MGAM2: variants seen among roughly 807,000 people sequenced by gnomAD.
MGAM2 encodes probable maltase-glucoamylase 2.
In MGAM2, 98 loss-of-function variants were observed where a neutral mutation model predicts 96.1. The observed-to-expected ratio is 1.02, with a 90% CI of 0.87 to 1.21. The LOEUF (loss-of-function observed/expected upper bound fraction) is 1.21, where lower values mean the gene tolerates loss of function less well. MGAM2 is among the 50% of genes most tolerant of loss of function. The probability of loss-of-function intolerance (pLI) is 0.00; values close to 1 mark genes in which losing one functional copy is unlikely to be tolerated. For missense variants in MGAM2, 2,055 were observed against 1,182.4 expected (o/e 1.74, Z -10.82); for synonymous variants, 749 against 414.8 (o/e 1.81, Z -9.79).
chr7:142,151,997 T>C (rs1795593331), intron 15 of MGAM2, among the ~76,000 whole-genome samples: 1 of 152,208 alleles, frequency 6.6e-6, no homozygotes, highest in African/African-American at 2.4e-5. Context: ...CTGGGGACAG[T>C]GGGCCAACCA....
At chr7:142,116,813 A>G in intron 1 of MGAM2, 61 bp from the exon 2 acceptor site, 2 of 699,936 alleles carry the variant, frequency 2.9e-6, no homozygotes, top group Non-Finnish European at 5.2e-6. Flanking sequence ...ATGATTATGT[A>G]TCCTCTTAGA....
At chr7:142,211,575 C>G (rs571890980) in intron 46 of MGAM2, among the ~76,000 whole-genome samples, 2 of 151,870 alleles carry the variant, frequency 1.3e-5, no homozygotes, top group Admixed American at 1.3e-4. Flanking sequence ...ATAGATCAAG[C>G]AAAAGAAAGG....
rs1296993764 is a variant in MGAM2 at position 142,147,828 on chromosome 7, T to G, written c.1634+255T>G. Among the ~76,000 whole-genome samples the G allele has an allele frequency of 2.0e-5, 3 of 152,182 alleles. No homozygotes were observed. In the East Asian group the frequency reaches 5.8e-4, roughly 29 times the overall value. ...AGCAGGCAATACTATGTAAGGCATT[T>G]AGAGTCCTCAGCTAGAAGTCAGCTC... is the stretch of plus-strand genomic sequence containing the variant. On this transcript the variant is annotated intron_variant, in intron 15 of 47. Transcript: ENST00000477922.
chr7:142,155,488 A>G (rs568933684), intron 17 of MGAM2, among the ~76,000 whole-genome samples: 2 of 152,292 alleles, frequency 1.3e-5, no homozygotes, highest in South Asian at 2.1e-4. Context: ...AATATTTCCA[A>G]TTGAGTGGTT....
At chr7:142,166,047 T>C (rs1796017924) in intron 24 of MGAM2, 51 bp from the exon 25 acceptor site, 1 of 621,486 alleles carries the variant, frequency 1.6e-6, no homozygotes, top group Non-Finnish European at 2.9e-6. Context: ...GAACTCTTTC[T>C]GGGTGGCTTT....
Position 142,221,513 on chromosome 7 carries a change from C to T in MGAM2, c.7002C>T (p.Thr2334=). Residue 2334 remains threonine (T), a synonymous_variant, in exon 48 of 48, where the codon ACC becomes ACT. Transcript: ENST00000477922. ...CTGATAAAATTACTAATTTTACTAC[C>T]CCTACAAATGCAAACACCATTATTT... ...FTTDKITNFT[T]PTNANTIIFN... 1 of 544,830 alleles carries T rather than the reference C, an allele frequency of 1.8e-6. No individual in the cohort carries two copies. The highest frequency in any genetic ancestry group is 3.0e-5 in the South Asian group (1 of 33,554). The allele number at this position is 544,830 out of a possible 1,614,324, so 33.7% of individuals were successfully genotyped here.
chr7:142,116,791 C>T, intron 1 of MGAM2, 83 bp from the exon 2 acceptor site: 1 of 687,318 alleles, frequency 1.5e-6, no homozygotes, highest in Middle Eastern at 2.6e-4. Context: ...AACAATTCCA[C>T]ATTTGGATAC....
intron 10 of MGAM2, among the ~76,000 whole-genome samples, chr7:142,138,971 A>C (rs934824891): frequency 6.6e-6 from 1 of 152,194 alleles, no homozygotes; most frequent in Middle Eastern, 3.2e-3. Context: ...TGTAAGACTT[A>C]CTTTGGTGGG....
At position 142,206,186 on chromosome 7, in the gene MGAM2, G is replaced by C. The variant is rs186144623; in HGVS notation, c.5138-2387G>C. On this transcript the variant is annotated intron_variant, in intron 45 of 47. Coordinates refer to ENST00000477922, the MANE Select transcript of MGAM2 (RefSeq NM_001293626.2). ...TCAGCACTGCACTGTCTTGATTACA[G>C]TGGATTTGTAGTAAGTTTTAAAATC... 3.0e-4 allele frequency among the ~76,000 whole-genome samples: 45 copies of C among 152,246 alleles called. 1 individual carries two copies. The East Asian group carries it at 8.5e-3, about 29-fold the overall frequency.
intron 25 of MGAM2, 71 bp downstream of exon 25, chr7:142,166,324 G>A (rs1023003906): frequency 1.5e-5 from 9 of 607,380 alleles, no homozygotes; most frequent in African/African-American, 1.5e-4. Context: ...CTTTTCAAAT[G>A]TCTGTGGCTT....
rs148959873 is a variant in MGAM2, at chr7:142,218,331, T to C, written c.5188-30T>C. The C allele has an allele frequency of 4.5e-4, 290 of 649,362 alleles. 2 individuals are homozygous for C. In the African/African-American group the frequency reaches 4.6e-3, roughly 10 times the overall value. The allele number at this position is 649,362 out of a possible 1,614,324, so 40.2% of individuals were successfully genotyped here. A position where few individuals can be genotyped will look rare whatever the true frequency, so the allele number is the denominator to read the frequency against. ...CATAGTCTATCAACAATATGTTATG[T>C]ATTCTTTTCTCTTTATAAATTCTTT... On this transcript the variant is annotated intron_variant, in intron 46 of 47. Coordinates refer to ENST00000477922, the MANE Select transcript of MGAM2 (RefSeq NM_001293626.2).
At chr7:142,114,748 A>G (rs1412432033) in intron 1 of MGAM2, among the ~76,000 whole-genome samples, 2 of 152,176 alleles carry the variant, frequency 1.3e-5, no homozygotes, top group Non-Finnish European at 2.9e-5. Flanking sequence ...TAGAGGGGGA[A>G]AAATAAGAAT....
At position 142,222,172 on chromosome 7, in the gene MGAM2, G is replaced by T. The variant is rs951670678; in HGVS notation, c.*113G>T. ...TATCTTATGCTACTTAAGTTTTCAC[G>T]GATATTAGTACTCTAGCCATAAAAG... On this transcript the variant is annotated 3_prime_UTR_variant, in exon 48 of 48. Transcript: ENST00000477922. 1 of 395,818 alleles carries T rather than the reference G, an allele frequency of 2.5e-6. No homozygotes were observed. Among genetic ancestry groups the T allele is most frequent in the Non-Finnish European group, 4.5e-6 (1 of 224,632 alleles). The allele number at this position is 395,818 out of a possible 1,614,324, so 24.5% of individuals were successfully genotyped here.
chr7:142,220,864 T>A lies in MGAM2; in HGVS notation c.6353T>A (p.Val2118Glu). 2 of 702,140 alleles carry A rather than the reference T, an allele frequency of 2.8e-6. No individual in the cohort carries two copies. Among genetic ancestry groups the A allele is most frequent in the Non-Finnish European group, 5.2e-6 (2 of 384,752 alleles). 43.5% of individuals were successfully genotyped at this position (702,140 alleles called of 1,614,324 possible). Residue 2118 changes from valine (V) to glutamate (E), a missense_variant, in exon 48 of 48, where the codon GTA (valine) becomes GAA (glutamate). Val to Glu is a moderately radical substitution (Grantham distance 121, BLOSUM62 -2). Transcript: ENST00000477922. ...GCTGATGCCACCATTAGTACTACTG[T>A]ACTTATTGCCACTACTTCTTCTCTA... ...STADATISTTVLIATTSSLTG... is the reference protein window; with the variant it reads ...STADATISTTELIATTSSLTG...
chr7:142,213,538 T>G (rs184543923), intron 46 of MGAM2, among the ~76,000 whole-genome samples: 8 of 151,958 alleles, frequency 5.3e-5, no homozygotes, highest in African/African-American at 1.9e-4. Flanking sequence ...GAGAATACTA[T>G]AAACACCTCT....
intron 43 of MGAM2, 105 bp downstream of exon 43, chr7:142,198,300 G>C: frequency 9.4e-6 from 6 of 637,670 alleles, no homozygotes; most frequent in Non-Finnish European, 1.4e-5. Context: ...CAATAATTTT[G>C]ACCTTTTTAG....
At position 142,131,083 on chromosome 7, in the gene MGAM2, C is replaced by G. The variant is rs2129077100; in HGVS notation, c.310+12C>G. The G allele has an allele frequency of 2.9e-6, 2 of 701,120 alleles. No individual in the cohort carries two copies. The highest frequency in any genetic ancestry group is 3.5e-5 in the African/African-American group (2 of 57,326). 43.4% of individuals were successfully genotyped at this position (701,120 alleles called of 1,614,324 possible). On this transcript the variant is annotated intron_variant, in intron 4 of 47. Transcript: ENST00000477922. ...AAATACAAGCACAGGTGAGCACTGCCCTGATGTTGCGCCTGGGAACAACTC... is the reference window on the plus strand; with the variant it reads ...AAATACAAGCACAGGTGAGCACTGCGCTGATGTTGCGCCTGGGAACAACTC...
intron 8 of MGAM2, 52 bp from the exon 9 acceptor site, chr7:142,137,381 G>A: frequency 1.5e-6 from 1 of 648,208 alleles, no homozygotes; most frequent in East Asian, 2.8e-5. Flanking sequence ...CTGCAGAGAA[G>A]AGTTTACTTC....
rs564025524 is a variant in MGAM2 at position 142,152,139 on chromosome 7, G to A, written c.1635-1879G>A. Among the ~76,000 whole-genome samples, 21 of 149,620 alleles carry A rather than the reference G, an allele frequency of 1.4e-4. 1 individual carries two copies. In the South Asian group the frequency reaches 2.3e-3, roughly 17 times the overall value. On this transcript the variant is annotated intron_variant, in intron 15 of 47. Transcript: ENST00000477922. ...AAAACTAAAAGACAGAAAATACAAA[G>A]CCTCTGAGTAAGACTGTTCCTTTAA...
Sources: allele counts gnomAD v4.1 joint callset (sites outside exome capture counted in the v4.1 genomes callset), GRCh38; gene constraint gnomAD v4.1.1; transcripts MANE v1.5; gene names NCBI Gene and HGNC (gene_info 2026-07-23, HGNC 2026-07-21).